Variants in KCNH8 observed in about 807,000 individuals in gnomAD.
The protein encoded by KCNH8 is voltage-gated delayed rectifier potassium channel KCNH8.
A neutral mutation model predicts 103.6 loss-of-function variants in KCNH8; 70 were observed. The observed-to-expected ratio is 0.68, with a 90% CI of 0.56 to 0.82. The LOEUF is 0.82. KCNH8 is among the 40% of genes least tolerant of loss of function. KCNH8 has a pLI of 0.00. For missense variants in KCNH8, 1,217 were observed against 1,329.9 expected, an observed-to-expected ratio of 0.92 and a Z score of 1.32; for synonymous variants, 498 against 489.4, an observed-to-expected ratio of 1.02 and a Z score of -0.23.
At chr3:19,498,050 T>C (rs1309016892) in intron 11 of KCNH8, among the ~76,000 whole-genome samples, 1 of 152,186 alleles carries the variant, frequency 6.6e-6, no homozygotes, top group Non-Finnish European at 1.5e-5. Context: ...TCTGAAATTA[T>C]GACAGCAACC....
chr3:19,527,002 T>C (rs1195710051), intron 15 of KCNH8, among the ~76,000 whole-genome samples: 2 of 151,954 alleles, frequency 1.3e-5, no homozygotes, highest in African/African-American at 4.8e-5. Context: ...AGCTCCACAT[T>C]GGTCCTTATT....
intron 7 of KCNH8, among the ~76,000 whole-genome samples, chr3:19,417,719 G>A (rs2066884839): frequency 6.6e-6 from 1 of 152,044 alleles, no homozygotes. Flanking sequence ...TGGAATGCAT[G>A]ACAAGTTAAT....
intron 15 of KCNH8, among the ~76,000 whole-genome samples, chr3:19,524,112 T>C (rs888600074): frequency 1.3e-5 from 2 of 151,890 alleles, no homozygotes; most frequent in Non-Finnish European, 2.9e-5. Context: ...GCATGAGTAA[T>C]ATCTTAAGGT....
chr3:19,305,946 CAAAAAAT>C (rs1363757313), intron 3 of KCNH8, among the ~76,000 whole-genome samples: 3 of 151,170 alleles, frequency 2.0e-5, no homozygotes, highest in Non-Finnish European at 2.9e-5. Flanking sequence ...CCTTGAAAAT[CAAAAAAT>C]AAAAAATAAA....
At chr3:19,185,208 T>A (rs142381579) in intron 1 of KCNH8, among the ~76,000 whole-genome samples, 26 of 152,026 alleles carry the variant, frequency 1.7e-4, no homozygotes, top group African/African-American at 6.0e-4. Context: ...CCTGCCAAAT[T>A]ATTTTTTAGA....
intron 5 of KCNH8, among the ~76,000 whole-genome samples, chr3:19,388,542 T>A (rs1316894412): frequency 6.6e-6 from 1 of 152,134 alleles, no homozygotes; most frequent in Non-Finnish European, 1.5e-5. Flanking sequence ...ATTGTTCTTA[T>A]CCTATGTGAG....
intron 5 of KCNH8, among the ~76,000 whole-genome samples, chr3:19,370,997 T>A (rs964666532): frequency 6.6e-6 from 1 of 152,204 alleles, no homozygotes; most frequent in African/African-American, 2.4e-5. Context: ...ATTTTCTTAA[T>A]CCAGTCTATT....
intron 1 of KCNH8, among the ~76,000 whole-genome samples, chr3:19,187,240 C>G (rs1440279090): frequency 1.3e-5 from 2 of 151,500 alleles, no homozygotes; most frequent in Non-Finnish European, 2.9e-5. Context: ...CACAGATTTG[C>G]AAAGTATGAG....
chr3:19,414,277 A>C (rs2066829585), intron 7 of KCNH8, among the ~76,000 whole-genome samples: 1 of 152,140 alleles, frequency 6.6e-6, no homozygotes, highest in Non-Finnish European at 1.5e-5. Context: ...CAAATGTTAA[A>C]GTGTCAATAT....
At chr3:19,238,048 G>A (rs997677625) in intron 1 of KCNH8, among the ~76,000 whole-genome samples, 8 of 152,130 alleles carry the variant, frequency 5.3e-5, no homozygotes, top group African/African-American at 1.9e-4. Context: ...AAAAAGCATG[G>A]CAAGATAATT....
intron 5 of KCNH8, among the ~76,000 whole-genome samples, chr3:19,348,904 T>C (rs1486048630): frequency 1.3e-5 from 2 of 151,764 alleles, no homozygotes; most frequent in Non-Finnish European, 2.9e-5. Context: ...AGTTGTTTTT[T>C]TGTGTGTTTT....
chr3:19,272,122 G>A (rs957499135), intron 2 of KCNH8, among the ~76,000 whole-genome samples: 1 of 151,900 alleles, frequency 6.6e-6, no homozygotes, highest in African/African-American at 2.4e-5. Flanking sequence ...TTTTGACCTT[G>A]GATTCATCAA....
chr3:19,439,033 G>T lies in KCNH8; in HGVS notation c.1375+672G>T, dbSNP rs1335572864. 2.0e-5 allele frequency among the ~76,000 whole-genome samples: 3 copies of T among 152,184 alleles called. 1 individual carries two copies. The South Asian group carries it at 6.2e-4, about 31-fold the overall frequency. On this transcript the variant is annotated intron_variant, in intron 8 of 15. Transcript: ENST00000328405. ...AACAAATTTCATTTAGATGTGAATT[G>T]TATTTTCAGTCTTCGCACTTCTCTC...
intron 1 of KCNH8, among the ~76,000 whole-genome samples, chr3:19,175,755 T>G (rs2063393770): frequency 6.6e-6 from 1 of 152,214 alleles, no homozygotes; most frequent in Non-Finnish European, 1.5e-5. Flanking sequence ...TGAAAATTGA[T>G]TTGTCATCTT....
At chr3:19,342,553 G>A in intron 3 of KCNH8, 34 bp from the exon 4 acceptor site, 2 of 1,598,376 alleles carry the variant, frequency 1.3e-6, no homozygotes, top group Non-Finnish European at 1.7e-6. Context: ...AATGATGCAT[G>A]CATGTGTGTC....
chr3:19,207,952 T>A (rs2063733129), intron 1 of KCNH8, among the ~76,000 whole-genome samples: 1 of 151,984 alleles, frequency 6.6e-6, no homozygotes, highest in Non-Finnish European at 1.5e-5. Context: ...TGGTATGGAT[T>A]TCAAGATTTA....
intron 1 of KCNH8, among the ~76,000 whole-genome samples, chr3:19,246,517 C>T (rs914528379): frequency 4.0e-5 from 6 of 151,844 alleles, no homozygotes; most frequent in Admixed American, 1.3e-4. Context: ...CCTCATGATC[C>T]GCCTGACTCG....
At chr3:19,521,312 C>T (rs2068967500) in intron 15 of KCNH8, among the ~76,000 whole-genome samples, 1 of 151,944 alleles carries the variant, frequency 6.6e-6, no homozygotes, top group African/African-American at 2.4e-5. Context: ...ATTTAGATTC[C>T]TATTCTGTGA....
chr3:19,318,662 T>C lies in KCNH8; in HGVS notation c.443-23925T>C, dbSNP rs867812160. 1.3e-4 allele frequency among the ~76,000 whole-genome samples: 19 copies of C among 142,564 alleles called. No homozygotes were observed. In the East Asian group the frequency reaches 1.5e-3, roughly 11 times the overall value. The allele number at this position is 142,564 out of a possible 152,430, so 93.5% of individuals were successfully genotyped here. On this transcript the variant is annotated intron_variant, in intron 3 of 15. Transcript: ENST00000328405. ...GTAAGTGTGTGTGTGTGTGTGTGTG[T>C]ACACACACACACACACACACACACA...
Sources: gnomAD v4.1 joint callset for allele counts (sites outside exome capture counted in the v4.1 genomes callset) on GRCh38, gnomAD v4.1.1 for gene constraint, MANE v1.5 for transcripts, NCBI Gene and HGNC (gene_info 2026-07-23, HGNC 2026-07-21) for gene names.